Variants in TNR observed in about 807,000 individuals in gnomAD.
TNR encodes tenascin R.
A neutral mutation model predicts 150.4 loss-of-function variants in TNR; 45 were observed. That is an observed-to-expected ratio of 0.30 (90% CI 0.24 to 0.38). TNR has a LOEUF of 0.38. TNR is among the 10% of genes least tolerant of loss of function. The pLI is 1.00. For missense variants in TNR, 1,544 were observed against 1,759.1 expected, an observed-to-expected ratio of 0.88 and a Z score of 2.19; for synonymous variants, 687 against 678.4, an observed-to-expected ratio of 1.01 and a Z score of -0.20.
intron 1 of TNR, among the ~76,000 whole-genome samples, chr1:175,595,418 A>G (rs1023898895): frequency 2.6e-5 from 4 of 152,138 alleles, no homozygotes; most frequent in Non-Finnish European, 4.4e-5. Flanking sequence ...TTTAAACCCT[A>G]TTTCAGAGCT....
At chr1:175,357,530 G>A (rs962221526) in intron 15 of TNR, among the ~76,000 whole-genome samples, 33 of 149,474 alleles carry the variant, frequency 2.2e-4, no homozygotes, top group Non-Finnish European at 4.7e-4. Context: ...TGCACATCAT[G>A]CCATTGATTA....
intron 2 of TNR, among the ~76,000 whole-genome samples, chr1:175,418,726 A>G (rs76039205): frequency 0.19 from 28,016 of 146,190 alleles, 2,690 homozygotes; most frequent in Non-Finnish European, 0.21. Context: ...GAGAGAGAAA[A>G]AAAAAAAAAG....
At chr1:175,389,302 C>A (rs1653068290) in intron 7 of TNR, among the ~76,000 whole-genome samples, 1 of 152,226 alleles carries the variant, frequency 6.6e-6, no homozygotes, top group African/African-American at 2.4e-5. Flanking sequence ...CAGAATTCCT[C>A]TTCCTCAGGG....
chr1:175,339,373 C>G (rs1321071768), intron 18 of TNR, among the ~76,000 whole-genome samples: 2 of 152,234 alleles, frequency 1.3e-5, no homozygotes, highest in Non-Finnish European at 2.9e-5. Context: ...CATACCCTCT[C>G]AAACTGATTT....
chr1:175,341,448 T>G (rs1304714603), intron 18 of TNR, among the ~76,000 whole-genome samples: 1 of 152,158 alleles, frequency 6.6e-6, no homozygotes, highest in Non-Finnish European at 1.5e-5. Context: ...TGTTTCTAGA[T>G]GTAATTGTGA....
chr1:175,433,515 T>C (rs966228910), intron 2 of TNR, among the ~76,000 whole-genome samples: 2 of 152,134 alleles, frequency 1.3e-5, no homozygotes, highest in African/African-American at 4.8e-5. Context: ...AAGGCCTGTG[T>C]CCTTTGTACT....
At chr1:175,692,805 A>G (rs991484287) in intron 1 of TNR, among the ~76,000 whole-genome samples, 4 of 152,172 alleles carry the variant, frequency 2.6e-5, no homozygotes, top group African/African-American at 9.7e-5. Flanking sequence ...AAACAGAGAC[A>G]AATAGGGTAA....
chr1:175,508,593 C>CA (rs1341903953), intron 2 of TNR, among the ~76,000 whole-genome samples: 1 of 152,196 alleles, frequency 6.6e-6, no homozygotes, highest in Non-Finnish European at 1.5e-5. Context: ...AGCCAGCTGC[C>CA]ATGTAAAGTA....
intron 5 of TNR, among the ~76,000 whole-genome samples, chr1:175,395,691 A>G (rs1420714746): frequency 6.6e-6 from 1 of 152,208 alleles, no homozygotes. Flanking sequence ...TTGAAATTCT[A>G]AACTAAAACA....
intron 3 of TNR, among the ~76,000 whole-genome samples, chr1:175,404,738 C>T (rs529357664): frequency 6.6e-6 from 1 of 152,184 alleles, no homozygotes; most frequent in African/African-American, 2.4e-5. Context: ...ATAGAAGCCC[C>T]AGCTTCCTGA....
chr1:175,465,477 T>C (rs1229686270), intron 2 of TNR, among the ~76,000 whole-genome samples: 1 of 152,212 alleles, frequency 6.6e-6, no homozygotes, highest in Admixed American at 6.5e-5. Flanking sequence ...ATGGGATTTT[T>C]TTATGAGGTC....
chr1:175,573,414 T>A (rs1057398094), intron 1 of TNR, among the ~76,000 whole-genome samples: 1 of 152,120 alleles, frequency 6.6e-6, no homozygotes, highest in Admixed American at 6.5e-5. Context: ...GTAATAAAGA[T>A]CCTGGCTGCT....
chr1:175,622,157 GA>G (rs1663997814), intron 1 of TNR, among the ~76,000 whole-genome samples: 1 of 152,192 alleles, frequency 6.6e-6, no homozygotes, highest in Admixed American at 6.5e-5. Flanking sequence ...GTAGAACTTT[GA>G]ACACTAAATA....
At chr1:175,503,415 T>C (rs1658822197) in intron 2 of TNR, among the ~76,000 whole-genome samples, 1 of 152,156 alleles carries the variant, frequency 6.6e-6, no homozygotes, top group African/African-American at 2.4e-5. Context: ...ATCTATAAAT[T>C]AGGTAATATA....
chr1:175,623,648 C>T (rs1185527584), intron 1 of TNR, among the ~76,000 whole-genome samples: 3 of 152,214 alleles, frequency 2.0e-5, no homozygotes, highest in Admixed American at 6.5e-5. Context: ...CCCTGTAGCC[C>T]GATATCCACG....
At chr1:175,661,924 A>G (rs1416075081) in intron 1 of TNR, among the ~76,000 whole-genome samples, 1 of 151,314 alleles carries the variant, frequency 6.6e-6, no homozygotes, top group Non-Finnish European at 1.5e-5. Context: ...ACTGCTCATA[A>G]ACTTAAGACC....
At chr1:175,529,797 T>C (rs976458750) in intron 1 of TNR, among the ~76,000 whole-genome samples, 3 of 152,344 alleles carry the variant, frequency 2.0e-5, no homozygotes, top group Admixed American at 2.0e-4. Context: ...CATCCTCACC[T>C]GTGAGGTGCT....
At position 175,354,510 on chromosome 1, in the gene TNR, T is replaced by C; in HGVS notation, c.3263A>G (p.Asp1088Gly). 1.2e-6 allele frequency: 2 copies of C among 1,614,062 alleles called. No individual in the cohort carries two copies. Among genetic ancestry groups the C allele is most frequent in the Non-Finnish European group, 1.7e-6 (2 of 1,179,988 alleles). ...TDGSRKELIV[D>G]AEDTWIRLEG... ...CAGTCGAATCCAGGTGTCTTCTGCA[T>C]CCACAATCAGCTCCTGTATAATGAG... Residue 1088 changes from aspartate (D) to glycine (G), a missense_variant, in exon 18 of 23, where the codon GAT (aspartate) becomes GGT (glycine). Physicochemically the swap from Asp to Gly is moderately conservative, Grantham distance 94 (BLOSUM62 -1). Transcript: ENST00000367674.
chr1:175,547,589 GAAAGAAAGAAAGAAAGAAAGAAAC>G (rs1306741725), intron 1 of TNR, among the ~76,000 whole-genome samples: 3 of 24,992 alleles, frequency 1.2e-4, no homozygotes, highest in African/African-American at 2.2e-4. Context: ...AAGAAAGAAA[GAAAGAAAGAAAGAAAGAAAGAAAC>G]AAAGAAACAA....
Sources: gnomAD v4.1 joint callset for allele counts (sites outside exome capture counted in the v4.1 genomes callset) on GRCh38, gnomAD v4.1.1 for gene constraint, MANE v1.5 for transcripts, NCBI Gene and HGNC (gene_info 2026-07-23, HGNC 2026-07-21) for gene names.